Variants in GALNTL6 observed in about 807,000 individuals in gnomAD.
GALNTL6 encodes polypeptide N-acetylgalactosaminyltransferase like 6, also known as polypeptide N-acetylgalactosaminyltransferase-like 6.
A neutral mutation model predicts 73.7 loss-of-function variants in GALNTL6; 46 were observed. The ratio of observed to expected loss-of-function variants is 0.62; its 90% confidence interval spans 0.49 to 0.80. The LOEUF (loss-of-function observed/expected upper bound fraction) is 0.80. GALNTL6 is among the 30% of genes least tolerant of loss of function. The pLI, the probability that GALNTL6 is intolerant of heterozygous loss-of-function variation, is 0.00. For missense variants in GALNTL6, 604 were observed against 755.0 expected (o/e 0.80, Z 2.34); for synonymous variants, 259 against 263.7 (o/e 0.98, Z 0.17).
At chr4:172,666,085 A>G (rs960619418) in intron 5 of GALNTL6, among the ~76,000 whole-genome samples, 10 of 152,108 alleles carry the variant, frequency 6.6e-5, no homozygotes, top group Non-Finnish European at 1.0e-4. Flanking sequence ...TATTATTTTA[A>G]ATTTGCATGT....
chr4:171,878,598 C>T (rs557395490), intron 2 of GALNTL6, among the ~76,000 whole-genome samples: 19 of 152,084 alleles, frequency 1.2e-4, no homozygotes, highest in African/African-American at 4.1e-4. Context: ...TTTCATATCG[C>T]AAGACATCTT....
chr4:172,296,781 G>A (rs1407409997), intron 3 of GALNTL6, among the ~76,000 whole-genome samples: 1 of 152,136 alleles, frequency 6.6e-6, no homozygotes, highest in African/African-American at 2.4e-5. Context: ...ATTTGTCTTG[G>A]TTCCAAGTCT....
intron 5 of GALNTL6, among the ~76,000 whole-genome samples, chr4:172,363,263 T>C (rs1467682115): frequency 2.0e-5 from 3 of 152,180 alleles, no homozygotes; most frequent in Admixed American, 6.6e-5. Context: ...TTCCCTTCTT[T>C]CTGTGTTTTT....
chr4:172,455,826 C>T (rs1029782277), intron 5 of GALNTL6, among the ~76,000 whole-genome samples: 3 of 152,184 alleles, frequency 2.0e-5, no homozygotes, highest in Admixed American at 2.0e-4. Context: ...AATAGATCTC[C>T]CAGCACAGCG....
intron 5 of GALNTL6, among the ~76,000 whole-genome samples, chr4:172,635,887 A>G (rs537914779): frequency 3.3e-5 from 5 of 152,292 alleles, no homozygotes; most frequent in African/African-American, 1.2e-4. Flanking sequence ...CATCCACTAA[A>G]CCATATGATA....
At chr4:172,431,849 A>G (rs1051818527) in intron 5 of GALNTL6, among the ~76,000 whole-genome samples, 5 of 152,162 alleles carry the variant, frequency 3.3e-5, no homozygotes, top group African/African-American at 9.7e-5. Context: ...TGATATTAAC[A>G]TATTTACATC....
chr4:172,625,535 A>C lies in GALNTL6; in HGVS notation c.554-183826A>C, dbSNP rs563572078. Reference sequence around the variant, plus strand: ...GAATGATTTATTTTCTTTTGGATATATACCCAGTAATAAGATTGCTGGGTT... The same window carrying C: ...GAATGATTTATTTTCTTTTGGATATCTACCCAGTAATAAGATTGCTGGGTT... On this transcript the variant is annotated intron_variant, in intron 5 of 12. Transcript: ENST00000506823. Among the ~76,000 whole-genome samples the C allele has an allele frequency of 2.8e-4, 43 of 152,244 alleles. No homozygotes were observed. In the South Asian group the frequency reaches 3.1e-3, roughly 11 times the overall value.
chr4:172,541,103 T>C (rs1373191762), intron 5 of GALNTL6, among the ~76,000 whole-genome samples: 1 of 152,242 alleles, frequency 6.6e-6, no homozygotes, highest in East Asian at 1.9e-4. Context: ...GGGTCTACTG[T>C]CTGTCTTTTG....
intron 5 of GALNTL6, among the ~76,000 whole-genome samples, chr4:172,528,991 G>GTATA (rs201902330): frequency 5.2e-5 from 5 of 96,654 alleles, no homozygotes; most frequent in African/African-American, 1.8e-4. Context: ...ACATATGTGT[G>GTATA]TATATATATA....
At chr4:172,961,730 A>G (rs1479845110) in intron 10 of GALNTL6, among the ~76,000 whole-genome samples, 2 of 152,194 alleles carry the variant, frequency 1.3e-5, no homozygotes, top group African/African-American at 4.8e-5. Context: ...GCTGGAGAAG[A>G]GAATAAAGAG....
At chr4:171,848,087 C>T (rs1371353779) in intron 2 of GALNTL6, among the ~76,000 whole-genome samples, 1 of 152,164 alleles carries the variant, frequency 6.6e-6, no homozygotes, top group Non-Finnish European at 1.5e-5. Flanking sequence ...ATCAAAATTA[C>T]TTCTTGATCC....
intron 5 of GALNTL6, among the ~76,000 whole-genome samples, chr4:172,559,230 A>T (rs1736262105): frequency 6.6e-6 from 1 of 151,346 alleles, no homozygotes; most frequent in Non-Finnish European, 1.5e-5. Flanking sequence ...ACGCCCAGCT[A>T]ATTTTTTGTA....
chr4:172,007,905 T>TA (rs1477896928), intron 2 of GALNTL6, among the ~76,000 whole-genome samples: 1 of 152,150 alleles, frequency 6.6e-6, no homozygotes, highest in Non-Finnish European at 1.5e-5. Flanking sequence ...GGGATCTTTT[T>TA]ATTAGATTTT....
At chr4:172,477,087 A>C (rs1479228197) in intron 5 of GALNTL6, among the ~76,000 whole-genome samples, 3 of 151,344 alleles carry the variant, frequency 2.0e-5, no homozygotes, top group African/African-American at 7.3e-5. Flanking sequence ...ACGCCCGGCT[A>C]ATTTCTTTTT....
At chr4:172,619,529 G>A (rs990412445) in intron 5 of GALNTL6, among the ~76,000 whole-genome samples, 3 of 152,102 alleles carry the variant, frequency 2.0e-5, no homozygotes, top group South Asian at 2.1e-4. Context: ...TGTTTTTGCA[G>A]TATGCCTTCA....
intron 2 of GALNTL6, among the ~76,000 whole-genome samples, chr4:171,955,795 AT>A (rs1204777790): frequency 6.6e-6 from 1 of 152,062 alleles, no homozygotes; most frequent in African/African-American, 2.4e-5. Context: ...AAATGGCAGC[AT>A]GTTACATATA....
At chr4:172,951,922 G>A in intron 9 of GALNTL6, 115 bp from the exon 10 acceptor site, 1 of 733,276 alleles carries the variant, frequency 1.4e-6, no homozygotes, top group South Asian at 1.9e-5. Context: ...ACCAACCAGG[G>A]CTGCCTGAGG....
intron 3 of GALNTL6, among the ~76,000 whole-genome samples, chr4:172,251,735 A>T (rs923678131): frequency 2.6e-5 from 4 of 152,182 alleles, no homozygotes. Context: ...AGCAAAAAGC[A>T]ACAGAATATT....
intron 9 of GALNTL6, among the ~76,000 whole-genome samples, chr4:172,941,443 C>T (rs929736020): frequency 6.6e-5 from 10 of 152,086 alleles, no homozygotes. Flanking sequence ...GGATCTTTTC[C>T]AGTTTGTTTT....
Sources: allele counts gnomAD v4.1 joint callset (sites outside exome capture counted in the v4.1 genomes callset), GRCh38; gene constraint gnomAD v4.1.1; transcripts MANE v1.5; gene names NCBI Gene and HGNC (gene_info 2026-07-23, HGNC 2026-07-21).